The following POLE variants were observed in gnomAD, a reference collection of about 807,000 sequenced individuals.
POLE encodes DNA polymerase epsilon catalytic subunit A.
Under a neutral mutation model 279.2 loss-of-function variants are expected in POLE, and 188 were observed. That is an observed-to-expected ratio of 0.67 (90% CI 0.60 to 0.76). The LOEUF is 0.76. Ranked by LOEUF, POLE falls within the 30% of genes least tolerant of loss-of-function variation. The pLI is 0.00. For synonymous variants in POLE, 1,214 were observed against 1,172.5 expected (o/e 1.04, Z -0.72); for missense variants, 2,703 against 3,016.7 (o/e 0.90, Z 2.44).
At position 132,626,335 on chromosome 12, in the gene POLE, C is replaced by A; in HGVS notation, c.6331-18G>T. On this transcript the variant is annotated intron_variant, in intron 45 of 48. Transcript: ENST00000320574. ...GACAGCACCTGCAGAGACCACAGCC[C>A]ACATCGGGAAGGAGCTCCCGGGGCC... The A allele has an allele frequency of 6.2e-7, 1 of 1,612,808 alleles. No individual in the cohort carries two copies. Among genetic ancestry groups the A allele is most frequent in the Non-Finnish European group, 8.5e-7 (1 of 1,179,598 alleles).
intron 16 of POLE, among the ~76,000 whole-genome samples, chr12:132,671,296 G>T (rs1443977254): frequency 6.9e-6 from 1 of 144,646 alleles, no homozygotes; most frequent in Non-Finnish European, 1.5e-5. Context: ...AAGTTTCTTG[G>T]CATCAATGTG....
chr12:132,664,051 T>G lies in POLE; in HGVS notation c.2659A>C (p.Lys887Gln). Residue 887 changes from lysine to glutamine, a missense_variant, in exon 23 of 49, where the codon AAA becomes CAA. By Grantham distance (53) the Lys-to-Gln change is moderately conservative (BLOSUM62 1). Coordinates refer to ENST00000320574, the MANE Select transcript of POLE (RefSeq NM_006231.4). This position sits in a 1 kb window ranked among gnomAD's most constrained non-coding sequence, Gnocchi z 5.3. ...VFKTTNVKKPKVTISYPGAML... is the reference protein window; with the variant it reads ...VFKTTNVKKPQVTISYPGAML... ...GCGCCTGGGTAGGAGATGGTCACTTTGGGCTTCTTCACATTGGTCGTCTTG... is the reference window on the plus strand; with the variant it reads ...GCGCCTGGGTAGGAGATGGTCACTTGGGGCTTCTTCACATTGGTCGTCTTG... 6.2e-7 allele frequency: 1 copy of G among 1,614,224 alleles called. No homozygotes were observed. The highest frequency in any genetic ancestry group is 1.1e-5 in the South Asian group (1 of 91,080).
At chr12:132,635,796 G>C (rs5744993) in intron 42 of POLE, 96 bp downstream of exon 42, 1 of 1,352,182 alleles carries the variant, frequency 7.4e-7, no homozygotes, top group South Asian at 1.4e-5. Context: ...TGCTGCTCAC[G>C]GCCAGGCCCG....
At chr12:132,635,307 C>T (rs973381178) in intron 42 of POLE, among the ~76,000 whole-genome samples, 5 of 152,240 alleles carry the variant, frequency 3.3e-5, no homozygotes, top group Admixed American at 6.5e-5. Context: ...CCCCTTGGCT[C>T]CACTTCAAAG....
intron 25 of POLE, chr12:132,659,880 A>C: frequency 4.3e-6 from 1 of 230,496 alleles, no homozygotes; most frequent in South Asian, 6.0e-5. Context: ...TTAGTAGAGA[A>C]AGGGTTTTGC....
At position 132,645,896 on chromosome 12, in the gene POLE, T is replaced by C. The variant is rs183398986; in HGVS notation, c.4150-1919A>G. Among the ~76,000 whole-genome samples, 51 of 152,276 alleles carry C rather than the reference T, an allele frequency of 3.3e-4. No individual in the cohort carries two copies. The East Asian group carries it at 3.7e-3, about 11-fold the overall frequency. ...GTAATTGCACTTTTTAAAATGTATA[T>C]ATTTCCTGGCTGTTCACTGAAGGAA... On this transcript the variant is annotated intron_variant, in intron 32 of 48. Transcript: ENST00000320574.
Position 132,659,466 on chromosome 12 carries a change from TCA to T in POLE, c.3102_3103del (p.Asn1036ProfsTer87), listed in dbSNP as rs766829623. ...CAGCTTCCGAGACATGGAACGGTTCTCAGAGATGAGCTCGAATAGCTCAGAGT... is the reference window on the plus strand; with the variant it reads ...CAGCTTCCGAGACATGGAACGGTTCTGAGATGAGCTCGAATAGCTCAGAGT... On this transcript the variant is annotated frameshift_variant, in exon 26 of 49. Transcript: ENST00000320574. LOFTEE classifies it high-confidence loss of function. 2 of 1,614,252 alleles carry T rather than the reference TCA, an allele frequency of 1.2e-6. No individual in the cohort carries two copies. Among genetic ancestry groups the T allele is most frequent in the South Asian group, 2.2e-5 (2 of 91,082 alleles).
chr12:132,679,566 A>G lies in POLE; in HGVS notation c.509T>C (p.Ile170Thr). 1.2e-6 allele frequency: 2 copies of G among 1,614,002 alleles called. No homozygotes were observed. Among genetic ancestry groups the G allele is most frequent in the Non-Finnish European group, 8.5e-7 (1 of 1,179,932 alleles). Residue 170 changes from isoleucine to threonine, a missense_variant, in exon 6 of 49, where the codon ATC (isoleucine) becomes ACC (threonine). By Grantham distance (89) the Ile-to-Thr change is moderately conservative. Transcript: ENST00000320574. Reference sequence around the variant, plus strand: ...CCTGTTCTTCTTCACGGCAGGGGAGATCTCCTTCCTCACTTTGACAAGATC... The same window carrying G: ...CCTGTTCTTCTTCACGGCAGGGGAGGTCTCCTTCCTCACTTTGACAAGATC... Reference protein sequence around the residue: ...VEDLVKVRKEISPAVKKNREQ... With the variant: ...VEDLVKVRKETSPAVKKNREQ...
chr12:132,686,765 C>T (rs140601437), intron 1 of POLE, among the ~76,000 whole-genome samples: 1 of 152,052 alleles, frequency 6.6e-6, no homozygotes, highest in Non-Finnish European at 1.5e-5. Flanking sequence ...GACGAGGTCT[C>T]TCTCTGTAGC....
rs770466844 is a variant in POLE at position 132,641,857 on chromosome 12, C to G, written c.5174-6G>C. On this transcript the variant is annotated splice_region_variant and splice_polypyrimidine_tract_variant and intron_variant, in intron 38 of 48. Transcript: ENST00000320574. The stretch of plus-strand genomic sequence containing the variant: ...AAGGTCCAGCTCCACACACACTGCA[C>G]AGGAAGACGCCATGCTCAGCCAGCA... 60 of 1,598,820 alleles carry G rather than the reference C, an allele frequency of 3.8e-5. No individual in the cohort carries two copies. Among genetic ancestry groups the G allele is most frequent in the Non-Finnish European group, 4.9e-5 (58 of 1,179,644 alleles).
At chr12:132,649,612 A>G (rs1375321718) in intron 30 of POLE, 65 bp downstream of exon 30, 1 of 1,601,750 alleles carries the variant, frequency 6.2e-7, no homozygotes, top group Non-Finnish European at 8.5e-7. Context: ...GTCAGGACGC[A>G]TCTCGGGCTC....
chr12:132,666,447 G>A (rs1249493119), intron 20 of POLE, among the ~76,000 whole-genome samples: 2 of 152,238 alleles, frequency 1.3e-5, no homozygotes, highest in African/African-American at 4.8e-5. Context: ...GATCAGGCGT[G>A]ATGGTACGCC....
chr12:132,676,026 C>A, intron 10 of POLE, 68 bp downstream of exon 10: 1 of 1,090,896 alleles, frequency 9.2e-7, no homozygotes. Flanking sequence ...ATGCCTGAGG[C>A]CTTGGAAAGA....
Position 132,639,318 on chromosome 12 carries a change from A to G in POLE, c.5379-20T>C, listed in dbSNP as rs2138511800. ...AGGATCCTGAAAGAGAAGGTGCACGACACCCTCGTACCCTCAGCCTCCCAC... is the reference window on the plus strand; with the variant it reads ...AGGATCCTGAAAGAGAAGGTGCACGGCACCCTCGTACCCTCAGCCTCCCAC... On this transcript the variant is annotated intron_variant, in intron 39 of 48. Transcript: ENST00000320574. This position sits in a 1 kb window ranked among gnomAD's most constrained non-coding sequence, Gnocchi z 4.7. 4 of 1,611,276 alleles carry G rather than the reference A, an allele frequency of 2.5e-6. No homozygotes were observed. Among genetic ancestry groups the G allele is most frequent in the Non-Finnish European group, 2.5e-6 (3 of 1,178,028 alleles).
At chr12:132,673,759 G>A (rs1180512748) in intron 12 of POLE, 52 bp from the exon 13 acceptor site, 2 of 1,602,386 alleles carry the variant, frequency 1.2e-6, no homozygotes, top group South Asian at 1.1e-5. Context: ...TGCAGCCCGG[G>A]AACCCCTGAG....
intron 9 of POLE, 110 bp downstream of exon 9, chr12:132,676,436 A>T: frequency 1.3e-6 from 1 of 795,854 alleles, no homozygotes; most frequent in Non-Finnish European, 2.1e-6. Flanking sequence ...TCCTGGACTA[A>T]CTCATTATTC....
chr12:132,675,524 T>C lies in POLE; in HGVS notation c.1107-7A>G, dbSNP rs542371572. 6.2e-7 allele frequency: 1 copy of C among 1,613,960 alleles called. No homozygotes were observed. The highest frequency in any genetic ancestry group is 1.7e-5 in the Admixed American group (1 of 60,016). On this transcript the variant is annotated splice_region_variant and splice_polypyrimidine_tract_variant and intron_variant, in intron 11 of 48. Coordinates refer to ENST00000320574, the MANE Select transcript of POLE (RefSeq NM_006231.4). The surrounding 1 kb of genome is among the most constrained non-coding windows in gnomAD (Gnocchi z 4.3). ...CCGGGCCTCCACAAATGGCCTGGGT[T>C]GGAAAGAGGACAGACAAGCAAGTGG... is the stretch of plus-strand genomic sequence containing the variant.
In POLE at chr12:132,632,644, A is replaced by T. The variant is rs932585832; in HGVS notation, c.6136+20T>A. ...TCACTGGCACATGGCAGTGGCCTCAAAAGACAAAAGACTGCTCACCGGGAA... is the reference window on the plus strand; with the variant it reads ...TCACTGGCACATGGCAGTGGCCTCATAAGACAAAAGACTGCTCACCGGGAA... On this transcript the variant is annotated intron_variant, in intron 44 of 48. Coordinates refer to ENST00000320574, the MANE Select transcript of POLE (RefSeq NM_006231.4). The T allele has an allele frequency of 2.5e-6, 4 of 1,613,742 alleles. No homozygotes were observed. Among genetic ancestry groups the T allele is most frequent in the Admixed American group, 3.3e-5 (2 of 60,000 alleles).
At chr12:132,652,867 A>G (rs534150671) in intron 29 of POLE, among the ~76,000 whole-genome samples, 15 of 152,278 alleles carry the variant, frequency 9.9e-5, no homozygotes, top group African/African-American at 3.1e-4. Flanking sequence ...TTATTCTTCA[A>G]AATTCTTTGG....
Sources: allele counts gnomAD v4.1 joint callset (sites outside exome capture counted in the v4.1 genomes callset), GRCh38; gene constraint gnomAD v4.1.1; non-coding constraint Gnocchi (gnomAD v3.1); transcripts MANE v1.5; gene names NCBI Gene and HGNC (gene_info 2026-07-23, HGNC 2026-07-21).